Variants in ZNF565 observed in about 807,000 individuals in gnomAD.
The protein encoded by ZNF565 is zinc finger protein 565.
In ZNF565, 27 loss-of-function variants were observed where a neutral mutation model predicts 39.4. That is an observed-to-expected ratio of 0.69 (90% CI 0.51 to 0.95). The LOEUF (loss-of-function observed/expected upper bound fraction) is 0.95, where lower values mean the gene tolerates loss of function less well. ZNF565 is among the 40% of genes least tolerant of loss of function. The probability of loss-of-function intolerance (pLI) is 0.00; values close to 1 mark genes in which losing one functional copy is unlikely to be tolerated. For missense variants in ZNF565, 524 were observed against 621.1 expected (o/e 0.84, Z 1.66); for synonymous variants, 185 against 216.6 (o/e 0.85, Z 1.28).
At chr19:36,241,830 A>G (rs1417559663) in intron 1 of ZNF565, among the ~76,000 whole-genome samples, 1 of 151,538 alleles carries the variant, frequency 6.6e-6, no homozygotes, top group Non-Finnish European at 1.5e-5. Context: ...TACAAAGATG[A>G]ATTTGGACTC....
intron 4 of ZNF565, among the ~76,000 whole-genome samples, chr19:36,188,815 T>TATAC: frequency 6.6e-6 from 1 of 152,186 alleles, no homozygotes; most frequent in Admixed American, 6.5e-5. Flanking sequence ...TTTATACATG[T>TATAC]ATACATCTAC....
intron 1 of ZNF565, among the ~76,000 whole-genome samples, chr19:36,231,954 A>G (rs887702948): frequency 3.9e-5 from 6 of 151,926 alleles, no homozygotes; most frequent in Admixed American, 3.3e-4. Context: ...TGTAATCCCA[A>G]CACTTTGGGA....
upstream of ZNF565, among the ~76,000 whole-genome samples, chr19:36,217,885 CAA>C (rs10590776): frequency 0.62 from 81,993 of 133,024 alleles, 23,533 homozygotes; most frequent in Middle Eastern, 0.72. Flanking sequence ...AACTCCATCT[CAA>C]AAAAAAAAAA....
At chr19:36,188,827 TACAC>T (rs1040395531) in intron 4 of ZNF565, among the ~76,000 whole-genome samples, 5 of 151,992 alleles carry the variant, frequency 3.3e-5, no homozygotes, top group Admixed American at 6.6e-5. Flanking sequence ...TACATCTACA[TACAC>T]ACATACAATG....
At chr19:36,194,605 A>G (rs1366640441) in intron 3 of ZNF565, 1 of 475,520 alleles carries the variant, frequency 2.1e-6, no homozygotes, top group African/African-American at 1.9e-5. Context: ...AATTATGTGG[A>G]GTAAATGTGT....
intron 1 of ZNF565, chr19:36,238,827 C>T (rs1174980442): frequency 6.1e-6 from 1 of 164,516 alleles, no homozygotes; most frequent in Non-Finnish European, 1.5e-5. Context: ...GTCCCCAGCT[C>T]CCCCCAGCTG....
chr19:36,210,224 C>T (rs1976301028), intron 1 of ZNF565, among the ~76,000 whole-genome samples: 1 of 151,598 alleles, frequency 6.6e-6, no homozygotes, highest in Non-Finnish European at 1.5e-5. Flanking sequence ...AGTTTGAGAC[C>T]AGCCTGACTA....
At chr19:36,233,902 A>G (rs1977516132) in intron 1 of ZNF565, among the ~76,000 whole-genome samples, 2 of 148,952 alleles carry the variant, frequency 1.3e-5, no homozygotes, top group South Asian at 4.2e-4. Context: ...CCTCCTCAGC[A>G]CAGACCCTTT....
intron 1 of ZNF565, among the ~76,000 whole-genome samples, chr19:36,235,190 C>G (rs150676417): frequency 0.011 from 1,562 of 148,710 alleles, 27 homozygotes; most frequent in African/African-American, 0.037. Context: ...GCCTGGATAA[C>G]GAGCGAAATT....
rs1380205366 is a variant in ZNF565, at chr19:36,202,008, G to A, written c.-23C>T. 2 of 1,613,918 alleles carry A rather than the reference G, an allele frequency of 1.2e-6. No homozygotes were observed. The highest frequency in any genetic ancestry group is 8.5e-7 in the Non-Finnish European group (1 of 1,179,926). On this transcript the variant is annotated 5_prime_UTR_variant, in exon 2 of 5. Coordinates refer to ENST00000304116, the MANE Select transcript of ZNF565 (RefSeq NM_152477.5). ...CATGGCTTTTAGAACTATTTGACCT[G>A]CTCTGATTTCTCTGGATTCTTCTCT...
At chr19:36,214,403 C>G (rs1051929643) in intron 1 of ZNF565, among the ~76,000 whole-genome samples, 15 of 152,194 alleles carry the variant, frequency 9.9e-5, no homozygotes, top group Admixed American at 9.8e-4. Flanking sequence ...CACAAGGACC[C>G]TGCACCCCGA....
chr19:36,244,757 A>G (rs1453862031), intron 1 of ZNF565, among the ~76,000 whole-genome samples: 1 of 151,462 alleles, frequency 6.6e-6, no homozygotes, highest in South Asian at 2.1e-4. Context: ...AGGCTGAGGC[A>G]GGAGAATCGC....
At chr19:36,217,251 CAG>C (rs1289813749), upstream of ZNF565, among the ~76,000 whole-genome samples, 3 of 151,386 alleles carry the variant, frequency 2.0e-5, no homozygotes, top group East Asian at 2.0e-4. Context: ...TTAGTAGAGA[CAG>C]GGTTTTACCA....
chr19:36,237,434 A>G, intron 1 of ZNF565: 1 of 1,340,384 alleles, frequency 7.5e-7, no homozygotes, highest in Non-Finnish European at 1.0e-6. Flanking sequence ...AACTTTAACA[A>G]GTACTAAAAA....
rs59339861 is a variant in ZNF565, at chr19:36,191,564, C to T, written c.232+2669G>A. Among the ~76,000 whole-genome samples the T allele has an allele frequency of 7.3e-3, 1,105 of 152,018 alleles. 38 individuals carry two copies. In the South Asian group the frequency reaches 0.1, roughly 14 times the overall value. On this transcript the variant is annotated intron_variant, in intron 4 of 4. Transcript: ENST00000304116. The stretch of plus-strand genomic sequence containing the variant: ...GAGAATGTGGGTGTGTTGAGAGAAC[C>T]CAGGAGCCAAGCTTAACGAGTTTTC...
chr19:36,219,868 A>G (rs540947351), intron 1 of ZNF565, among the ~76,000 whole-genome samples: 1 of 152,270 alleles, frequency 6.6e-6, no homozygotes, highest in African/African-American at 2.4e-5. Flanking sequence ...TATAGTCTTA[A>G]TTTCTCTTGT....
In ZNF565 at chr19:36,183,443, C is replaced by T. The variant is rs1176483644; in HGVS notation, c.523G>A (p.Ala175Thr). 2 of 1,614,196 alleles carry T rather than the reference C, an allele frequency of 1.2e-6. No individual in the cohort carries two copies. The highest frequency in any genetic ancestry group is 1.3e-5 in the African/African-American group (1 of 75,064). The change falls in exon 5 of 5, where the codon GCA becomes ACA. Residue 175 changes from alanine (A) to threonine (T), a missense_variant. Ala to Thr is a moderately conservative substitution (Grantham distance 58). Transcript: ENST00000304116. ...KLMECHECGKAFSRGSHLIQH... is the reference protein window; with the variant it reads ...KLMECHECGKTFSRGSHLIQH... ...ATAAGGTGTGAGCCACGGCTAAATG[C>T]TTTCCCACATTCATGACATTCCATC...
rs1183093969 is a variant in ZNF565, at chr19:36,199,506, C to CTTTTTTTTT, written c.9+2462_9+2470dup. 8.0e-4 allele frequency among the ~76,000 whole-genome samples: 103 copies of CTTTTTTTTT among 128,904 alleles called. 4 individuals carry two copies. The East Asian group carries it at 0.014, about 17-fold the overall frequency. 84.6% of individuals were successfully genotyped at this position (128,904 alleles called of 152,430 possible). A position where few individuals can be genotyped will look rare whatever the true frequency, so the allele number is the denominator to read the frequency against. ...CTTTTAAATGAATTTCTTTCTTTCT[C>CTTTTTTTTT]TTTTTTTTTTTTTTTTTTTGAGACA... is the stretch of plus-strand genomic sequence containing the variant. On this transcript the variant is annotated intron_variant, in intron 2 of 4. Transcript: ENST00000304116.
chr19:36,211,377 AG>A lies in ZNF565; in HGVS notation c.-66+3244del, dbSNP rs377217437. Among the ~76,000 whole-genome samples the A allele has an allele frequency of 2.6e-3, 390 of 151,794 alleles. 3 individuals carry two copies. Among genetic ancestry groups the A allele is most frequent in the African/African-American group, 8.7e-3 (360 of 41,352 alleles). On this transcript the variant is annotated intron_variant, in intron 1 of 4. Coordinates refer to ENST00000304116, the MANE Select transcript of ZNF565 (RefSeq NM_152477.5). ...AGAATCGCTTGAATCCAGGAGGCAG[AG>A]GCTGCAGTGAGCTGAGATCATGTCA... is the stretch of plus-strand genomic sequence containing the variant.
Sources: gnomAD v4.1 joint callset for allele counts (sites outside exome capture counted in the v4.1 genomes callset) on GRCh38, gnomAD v4.1.1 for gene constraint, MANE v1.5 for transcripts, NCBI Gene and HGNC (gene_info 2026-07-23, HGNC 2026-07-21) for gene names.